The following PSMD3 variants were observed in gnomAD, a reference collection of about 807,000 sequenced individuals.
PSMD3 encodes the protein 26S proteasome non-ATPase regulatory subunit 3.
A neutral mutation model predicts 62.8 loss-of-function variants in PSMD3; 5 were observed. That is an observed-to-expected ratio of 0.08 (90% CI 0.04 to 0.17). The LOEUF (loss-of-function observed/expected upper bound fraction) is 0.17. PSMD3 is among the 10% of genes least tolerant of loss of function. The pLI, the probability that PSMD3 is intolerant of heterozygous loss-of-function variation, is 1.00. For missense variants in PSMD3, 524 were observed against 713.6 expected (o/e 0.73, Z 3.03); for synonymous variants, 265 against 283.9 (o/e 0.93, Z 0.67).
rs958797460 is a variant in PSMD3 at position 39,997,805 on chromosome 17, G to A, written c.*224G>A. ...AGGAGGGTGGGCAGGCAACCTCCCC[G>A]GGCAGGGTCCTGGCCAGCAGTGTGG... On this transcript the variant is annotated 3_prime_UTR_variant, in exon 12 of 12. Transcript: ENST00000264639. The A allele has an allele frequency of 6.7e-5, 40 of 595,186 alleles. No homozygotes were observed. Among genetic ancestry groups the A allele is most frequent in the African/African-American group, 4.3e-4 (23 of 54,036 alleles). 36.9% of individuals were successfully genotyped at this position (595,186 alleles called of 1,614,324 possible). A position where few individuals can be genotyped will look rare whatever the true frequency, so the allele number is the denominator to read the frequency against.
intron 3 of PSMD3, among the ~76,000 whole-genome samples, chr17:39,987,766 TG>T (rs1980559946): frequency 7.0e-6 from 1 of 142,352 alleles, no homozygotes; most frequent in Admixed American, 6.8e-5. Flanking sequence ...TACAGGCACG[TG>T]CCACTGTACT....
Position 39,996,835 on chromosome 17 carries a change from T to TA in PSMD3, c.1477-494dup. 1 of 451,106 alleles carries TA rather than the reference T, an allele frequency of 2.2e-6. No homozygotes were observed. Among genetic ancestry groups the TA allele is most frequent in the South Asian group, 1.6e-5 (1 of 63,392 alleles). The allele number at this position is 451,106 out of a possible 1,614,324, so 27.9% of individuals were successfully genotyped here. ...AGTTAAGCACTGAGTTTGGCGCTGT[T>TA]ACTATTTGCTTGCCATGTTTTTTTC... On this transcript the variant is annotated intron_variant, in intron 10 of 11. Coordinates refer to ENST00000264639, the MANE Select transcript of PSMD3 (RefSeq NM_002809.4). The surrounding 1 kb of genome is among the most constrained non-coding windows in gnomAD (Gnocchi z 5.1).
At position 39,996,641 on chromosome 17, in the gene PSMD3, C is replaced by A; in HGVS notation, c.1476+303C>A. 1.8e-6 allele frequency: 1 copy of A among 557,068 alleles called. No homozygotes were observed. 34.5% of individuals were successfully genotyped at this position (557,068 alleles called of 1,614,324 possible). Reference sequence around the variant, plus strand: ...ATTTGAGGCATTTAACTTCTCAAAGCTCTGTTTCTCCATCTCTGAAGCTGA... The same window carrying A: ...ATTTGAGGCATTTAACTTCTCAAAGATCTGTTTCTCCATCTCTGAAGCTGA... On this transcript the variant is annotated intron_variant, in intron 10 of 11. Coordinates refer to ENST00000264639, the MANE Select transcript of PSMD3 (RefSeq NM_002809.4). This position sits in a 1 kb window ranked among gnomAD's most constrained non-coding sequence, Gnocchi z 5.1.
chr17:39,987,617 G>C (rs745647049), intron 3 of PSMD3, among the ~76,000 whole-genome samples: 46 of 152,146 alleles, frequency 3.0e-4, no homozygotes, highest in Non-Finnish European at 5.3e-4. Context: ...CAAAGTGTTA[G>C]GGTTACAGGC....
At chr17:39,984,003 T>C (rs1308157439) in intron 1 of PSMD3, among the ~76,000 whole-genome samples, 1 of 152,028 alleles carries the variant, frequency 6.6e-6, no homozygotes, top group South Asian at 2.1e-4. Context: ...ATCGAGACCA[T>C]CCTGGCTAAC....
At chr17:39,984,166 C>T (rs1482456355) in intron 1 of PSMD3, 128 bp from the exon 2 acceptor site, 3 of 846,914 alleles carry the variant, frequency 3.5e-6, no homozygotes, top group Non-Finnish European at 5.2e-6. Flanking sequence ...CACCACTGCA[C>T]TCCGGCCTGG....
rs778940466 is a variant in PSMD3 at position 39,986,537 on chromosome 17, G to C, written c.412-38G>C. ...CAATAAATTCTTGGTTACTTGATCA[G>C]ACTGAGCTTTTCCATGGTAACTTCT... On this transcript the variant is annotated intron_variant, in intron 2 of 11. Transcript: ENST00000264639. The C allele has an allele frequency of 1.9e-5, 31 of 1,611,588 alleles. No homozygotes were observed. The South Asian group carries it at 3.4e-4, about 18-fold the overall frequency.
Position 39,995,457 on chromosome 17 carries a change from T to A in PSMD3, c.1250T>A (p.Ile417Asn). The A allele has an allele frequency of 6.2e-7, 1 of 1,614,012 alleles. No homozygotes were observed. Among genetic ancestry groups the A allele is most frequent in the Non-Finnish European group, 8.5e-7 (1 of 1,179,976 alleles). ...ATGATCAGCCTCTCCTATTCCCGAA[T>A]CTCCTTGGCTGACATCGCCCAGAAG... ...VRMISLSYSR[I>N]SLADIAQKLQ... Residue 417 changes from isoleucine (I) to asparagine (N), a missense_variant, in exon 9 of 12, where the codon ATC becomes AAC. Coordinates refer to ENST00000264639, the MANE Select transcript of PSMD3 (RefSeq NM_002809.4). The surrounding 1 kb of genome is among the most constrained non-coding windows in gnomAD (Gnocchi z 4.1).
chr17:39,981,568 CTG>C (rs1206993111), intron 1 of PSMD3, among the ~76,000 whole-genome samples: 1 of 152,194 alleles, frequency 6.6e-6, no homozygotes, highest in Non-Finnish European at 1.5e-5. Flanking sequence ...GTGTTTGTGT[CTG>C]TGTGTAAACA....
intron 3 of PSMD3, among the ~76,000 whole-genome samples, chr17:39,987,570 A>G (rs1414490785): frequency 6.6e-6 from 1 of 151,870 alleles, no homozygotes; most frequent in Non-Finnish European, 1.5e-5. Flanking sequence ...CTGGTCTCCA[A>G]CCCCTGGGCT....
rs988503679 is a variant in PSMD3 at position 39,995,926 on chromosome 17, C to T, written c.1321-257C>T. On this transcript the variant is annotated intron_variant, in intron 9 of 11. Coordinates refer to ENST00000264639, the MANE Select transcript of PSMD3 (RefSeq NM_002809.4). The surrounding 1 kb of genome is among the most constrained non-coding windows in gnomAD (Gnocchi z 4.1). ...CTGAGGTCAGGAGTTTGAGACAAGC[C>T]TGGCCAACTTGGCGAAACCCCATCT... is the stretch of plus-strand genomic sequence containing the variant. 13 of 501,304 alleles carry T rather than the reference C, an allele frequency of 2.6e-5. No homozygotes were observed. Among genetic ancestry groups the T allele is most frequent in the Admixed American group, 6.5e-5 (2 of 30,724 alleles). 31.1% of individuals were successfully genotyped at this position (501,304 alleles called of 1,614,324 possible).
Position 39,989,894 on chromosome 17 carries a change from A to G in PSMD3, c.842A>G (p.Asn281Ser). The G allele has an allele frequency of 6.2e-7, 1 of 1,614,128 alleles. No individual in the cohort carries two copies. The highest frequency in any genetic ancestry group is 8.5e-7 in the Non-Finnish European group (1 of 1,180,002). Residue 281 changes from asparagine (N) to serine (S), a missense_variant, in exon 5 of 12, where the codon AAC becomes AGC. This residue lies in a region of PSMD3 where 396 missense variants were observed against 475.8 expected (regional missense o/e 0.83). Coordinates refer to ENST00000264639, the MANE Select transcript of PSMD3 (RefSeq NM_002809.4). ...VSKSVFPEQA[N>S]NNEWARYLYY... ...AAGTCTGTGTTCCCAGAGCAGGCCA[A>G]CAACAATGAGTGGGCCAGGTACCTC...
At chr17:39,986,531 T>C in intron 2 of PSMD3, 44 bp from the exon 3 acceptor site, 1 of 1,606,664 alleles carries the variant, frequency 6.2e-7, no homozygotes, top group Non-Finnish European at 8.5e-7. Flanking sequence ...CTTGGTTACT[T>C]GATCAGACTG....
At chr17:39,992,015 ACT>A (rs2144813981) in intron 6 of PSMD3, among the ~76,000 whole-genome samples, 1 of 151,122 alleles carries the variant, frequency 6.6e-6, no homozygotes, top group African/African-American at 2.4e-5. Context: ...ACAGAGCAAG[ACT>A]CTGTCTCAAA....
intron 6 of PSMD3, 150 bp from the exon 7 acceptor site, chr17:39,994,804 G>A (rs1980742093): frequency 3.0e-6 from 2 of 668,938 alleles, no homozygotes; most frequent in Non-Finnish European, 2.5e-6. Context: ...GCCCAGCACA[G>A]GTTTTCAGGG....
chr17:39,983,937 C>T (rs533545431), intron 1 of PSMD3, among the ~76,000 whole-genome samples: 62 of 152,018 alleles, frequency 4.1e-4, no homozygotes, highest in African/African-American at 9.9e-4. Flanking sequence ...CGGTGGCTCA[C>T]GCCTATAATC....
chr17:39,992,777 G>C (rs543563352), intron 6 of PSMD3, among the ~76,000 whole-genome samples: 4 of 77,058 alleles, frequency 5.2e-5, no homozygotes, highest in South Asian at 1.4e-3. Flanking sequence ...CTCTCAGGCG[G>C]CCGTTCCTGT....
chr17:39,987,884 G>T (rs1980562632), intron 3 of PSMD3, among the ~76,000 whole-genome samples: 1 of 152,208 alleles, frequency 6.6e-6, no homozygotes, highest in African/African-American at 2.4e-5. Flanking sequence ...AAGGCAGGCA[G>T]ATCATGAGGT....
chr17:39,986,529 C>T (rs1980527994), intron 2 of PSMD3, 46 bp from the exon 3 acceptor site: 1 of 1,604,886 alleles, frequency 6.2e-7, no homozygotes, highest in Non-Finnish European at 8.5e-7. Context: ...TTCTTGGTTA[C>T]TTGATCAGAC....
Sources: allele counts gnomAD v4.1 joint callset (sites outside exome capture counted in the v4.1 genomes callset), GRCh38; gene constraint gnomAD v4.1.1; regional missense constraint gnomAD v4.1.1; non-coding constraint Gnocchi (gnomAD v3.1); transcripts MANE v1.5; gene names NCBI Gene and HGNC (gene_info 2026-07-23, HGNC 2026-07-21).